Variants in PTK2 observed in about 807,000 individuals in gnomAD.
PTK2 encodes the protein focal adhesion kinase 1.
PTK2 carries 45 observed loss-of-function variants against 150.1 expected under a neutral mutation model. The ratio of observed to expected loss-of-function variants is 0.30; its 90% CI spans 0.24 to 0.38. The LOEUF is 0.38. Among genes scored for constraint, PTK2 ranks in the 10% least tolerant of loss-of-function variants. The pLI is 1.00. For missense variants in PTK2, 919 were observed against 1,307.3 expected, an observed-to-expected ratio of 0.70 and a Z score of 4.58; for synonymous variants, 432 against 449.2, an observed-to-expected ratio of 0.96 and a Z score of 0.48.
intron 1 of PTK2, among the ~76,000 whole-genome samples, chr8:140,938,401 T>G (rs994657078): frequency 6.6e-6 from 1 of 152,104 alleles, no homozygotes; most frequent in Non-Finnish European, 1.5e-5. Context: ...TCATAAAAAC[T>G]CCACACCTTA....
chr8:140,800,307 G>C (rs922395273), intron 12 of PTK2, 152 bp downstream of exon 12: 34 of 688,978 alleles, frequency 4.9e-5, no homozygotes, highest in Admixed American at 3.1e-4. Flanking sequence ...ACCATCCCTA[G>C]AAAAATAAGT....
chr8:140,789,974 T>A (rs1233239032), intron 13 of PTK2, among the ~76,000 whole-genome samples: 1 of 152,132 alleles, frequency 6.6e-6, no homozygotes, highest in African/African-American at 2.4e-5. Flanking sequence ...CATAAAAAAT[T>A]ATCAAGCAAT....
At chr8:140,954,687 G>GA (rs2100180638) in intron 1 of PTK2, 1 of 152,024 alleles carries the variant, frequency 6.6e-6, no homozygotes, top group Non-Finnish European at 1.5e-5. Context: ...ACAGGTGAAA[G>GA]AAAAAACAAA....
chr8:140,922,673 T>C (rs990416039), intron 2 of PTK2, among the ~76,000 whole-genome samples: 1 of 152,210 alleles, frequency 6.6e-6, no homozygotes, highest in Non-Finnish European at 1.5e-5. Flanking sequence ...CCTACAATTA[T>C]ATTCTACACA....
chr8:140,921,597 T>C (rs547563224), intron 2 of PTK2, among the ~76,000 whole-genome samples: 1 of 152,320 alleles, frequency 6.6e-6, no homozygotes, highest in African/African-American at 2.4e-5. Flanking sequence ...TGTAAAATAT[T>C]TTTCCTGGTT....
intron 24 of PTK2, 27 bp from the exon 28 acceptor site, chr8:140,702,734 A>G (rs1364800627): frequency 9.3e-6 from 15 of 1,608,806 alleles, no homozygotes; most frequent in Non-Finnish European, 1.1e-5. Context: ...AGGCAAGGTA[A>G]TGTTCAACTA....
At chr8:140,992,666 TTACCCC>T (rs1219032564) in intron 1 of PTK2, among the ~76,000 whole-genome samples, 1 of 152,092 alleles carries the variant, frequency 6.6e-6, no homozygotes, top group East Asian at 1.9e-4. Flanking sequence ...TGTGAATGAG[TTACCCC>T]CTCACACTAT....
chr8:140,892,656 C>A (rs754197136), intron 2 of PTK2: 2 of 421,646 alleles, frequency 4.7e-6, no homozygotes. Context: ...AATGGTATAA[C>A]AGCACAGTAA....
intron 1 of PTK2, among the ~76,000 whole-genome samples, chr8:140,933,898 T>C (rs1274215638): frequency 1.1e-4 from 17 of 151,466 alleles, no homozygotes; most frequent in Admixed American, 1.1e-3. Flanking sequence ...TGAGTAGAGA[T>C]TTTCAAGTCT....
chr8:140,737,004 G>A (rs764960899), intron 21 of PTK2, among the ~76,000 whole-genome samples: 8 of 152,114 alleles, frequency 5.3e-5, no homozygotes, highest in Non-Finnish European at 1.2e-4. Context: ...AAAGTAAAGA[G>A]TATCTGACAA....
rs563083719 is a variant in PTK2, at chr8:140,669,880, C to T, written c.2710-1456G>A. The T allele has an allele frequency of 1.4e-5, 13 of 899,350 alleles. No individual in the cohort carries two copies. In the South Asian group the frequency reaches 2.0e-4, roughly 14 times the overall value. The allele number at this position is 899,350 out of a possible 1,614,324, so 55.7% of individuals were successfully genotyped here. ...AAAAGGAGCTAGTTTCCAAGCCTGC[C>T]CACCAGCTCTCACTCACTGTTGCCA... On this transcript the variant is annotated intron_variant, in intron 29 of 31. Coordinates refer to ENST00000522684, the Ensembl canonical transcript of PTK2.
At chr8:140,830,441 A>C (rs1567163964) in intron 8 of PTK2, 31 bp downstream of exon 8, 3 of 1,429,476 alleles carry the variant, frequency 2.1e-6, no homozygotes, top group Non-Finnish European at 2.9e-6. Flanking sequence ...TAATTTTGTT[A>C]TTTTATTATG....
rs1365373414 is a variant in PTK2, at chr8:140,674,420, G to A, written c.2603-16C>T. On this transcript the variant is annotated splice_polypyrimidine_tract_variant and intron_variant, in intron 28 of 31. Coordinates refer to ENST00000522684, the Ensembl canonical transcript of PTK2. ...GCTGCAGGATCTGGTGAGAGAGAAT[G>A]ATTCCCATTAAGTCATGTGCGTTAA... is the stretch of plus-strand genomic sequence containing the variant. 6.4e-7 allele frequency: 1 copy of A among 1,568,522 alleles called. No individual in the cohort carries two copies.
At chr8:140,820,174 A>G (rs2100107583) in intron 8 of PTK2, among the ~76,000 whole-genome samples, 1 of 133,336 alleles carries the variant, frequency 7.5e-6, no homozygotes, top group Non-Finnish European at 1.5e-5. Context: ...ACCTCGGCTC[A>G]CTGCAACCTC....
chr8:140,683,256 T>C (rs946859434), intron 27 of PTK2, among the ~76,000 whole-genome samples: 2 of 152,130 alleles, frequency 1.3e-5, no homozygotes, highest in African/African-American at 4.8e-5. Flanking sequence ...ATCTAGAAGA[T>C]ATGGATGAAT....
intron 21 of PTK2, among the ~76,000 whole-genome samples, chr8:140,736,595 A>G (rs2100052728): frequency 6.6e-6 from 1 of 152,218 alleles, no homozygotes; most frequent in Non-Finnish European, 1.5e-5. Flanking sequence ...CAATGAACAT[A>G]TAATGCAATG....
At chr8:140,777,925 C>T (rs1386806648) in intron 14 of PTK2, among the ~76,000 whole-genome samples, 1 of 152,174 alleles carries the variant, frequency 6.6e-6, no homozygotes, top group Non-Finnish European at 1.5e-5. Context: ...CACTTTTTCC[C>T]ATGCCTTCAA....
intron 1 of PTK2, among the ~76,000 whole-genome samples, chr8:140,993,943 T>C (rs2100196674): frequency 6.6e-6 from 1 of 152,206 alleles, no homozygotes; most frequent in Admixed American, 6.5e-5. Flanking sequence ...TTGCCCAGGC[T>C]GGTCACAAAC....
At chr8:140,774,140 TCTC>T (rs2100077095) in intron 14 of PTK2, among the ~76,000 whole-genome samples, 1 of 152,332 alleles carries the variant, frequency 6.6e-6, no homozygotes, top group African/African-American at 2.4e-5. Flanking sequence ...ATGTCACTCT[TCTC>T]ATTCTCTGCT....
Sources: gnomAD v4.1 joint callset for allele counts (sites outside exome capture counted in the v4.1 genomes callset) on GRCh38, gnomAD v4.1.1 for gene constraint, MANE v1.5 for transcripts, NCBI Gene and HGNC (gene_info 2026-07-23, HGNC 2026-07-21) for gene names.